Variants in ADGRL2 observed in about 807,000 individuals in gnomAD.
The protein encoded by ADGRL2 is adhesion G protein-coupled receptor L2, also known as calcium-independent alpha-latrotoxin receptor 2.
Under a neutral mutation model 157.4 loss-of-function variants are expected in ADGRL2, and 44 were observed. The ratio of observed to expected loss-of-function variants is 0.28; its 90% CI spans 0.22 to 0.36. The LOEUF (loss-of-function observed/expected upper bound fraction) is 0.36, where lower values mean the gene tolerates loss of function less well. ADGRL2 is among the 10% of genes least tolerant of loss of function. The pLI is 1.00. For synonymous variants in ADGRL2, 585 were observed against 624.7 expected, an observed-to-expected ratio of 0.94 and a Z score of 0.95; for missense variants, 1,510 against 1,768.9, an observed-to-expected ratio of 0.85 and a Z score of 2.63.
chr1:81,589,129 A>T (rs2081083013), intron 3 of ADGRL2, among the ~76,000 whole-genome samples: 1 of 152,172 alleles, frequency 6.6e-6, no homozygotes, highest in African/African-American at 2.4e-5. Context: ...GATAATACTT[A>T]TCCCCATAGG....
chr1:81,587,979 G>T (rs1483086040), intron 3 of ADGRL2, among the ~76,000 whole-genome samples: 1 of 152,092 alleles, frequency 6.6e-6, no homozygotes, highest in East Asian at 1.9e-4. Flanking sequence ...GTAGAAGATG[G>T]GTGCTTAAGT....
At chr1:81,518,473 T>C (rs1408426) in intron 2 of ADGRL2, among the ~76,000 whole-genome samples, 55,649 of 152,080 alleles carry the variant, frequency 0.37, 13,174 homozygotes, top group African/African-American at 0.67. Context: ...TCCAGAGAAA[T>C]GGGAATTGTT....
chr1:81,663,346 C>T (rs2082694773), intron 3 of ADGRL2, among the ~76,000 whole-genome samples: 1 of 152,094 alleles, frequency 6.6e-6, no homozygotes, highest in South Asian at 2.1e-4. Context: ...CAGCTCCATC[C>T]CTCACCTCCC....
intron 2 of ADGRL2, among the ~76,000 whole-genome samples, chr1:81,509,096 T>C (rs2079030419): frequency 6.6e-6 from 1 of 152,200 alleles, no homozygotes. Context: ...GCCACATTCC[T>C]TGTGCATCAA....
At chr1:81,639,365 C>A (rs1204728127) in intron 3 of ADGRL2, among the ~76,000 whole-genome samples, 1 of 151,994 alleles carries the variant, frequency 6.6e-6, no homozygotes, top group East Asian at 1.9e-4. Flanking sequence ...GCCACTGGGC[C>A]CCACCAGAAA....
At chr1:81,381,888 C>G (rs1265310365) in intron 1 of ADGRL2, among the ~76,000 whole-genome samples, 1 of 152,172 alleles carries the variant, frequency 6.6e-6, no homozygotes, top group Admixed American at 6.5e-5. Flanking sequence ...CATAACCCCA[C>G]TCACCTTCTT....
At chr1:81,801,501 G>C (rs1297239146) in intron 1 of ADGRL2, among the ~76,000 whole-genome samples, 1 of 152,212 alleles carries the variant, frequency 6.6e-6, no homozygotes, top group Non-Finnish European at 1.5e-5. Flanking sequence ...GCTTACCAGA[G>C]AATTCCTTGG....
At chr1:81,454,735 C>T (rs1428995096) in intron 2 of ADGRL2, among the ~76,000 whole-genome samples, 1 of 152,162 alleles carries the variant, frequency 6.6e-6, no homozygotes, top group African/African-American at 2.4e-5. Context: ...CAAGAGCGAT[C>T]CTTTCATCAT....
chr1:81,355,813 G>T (rs183742951), intron 1 of ADGRL2, among the ~76,000 whole-genome samples: 2 of 152,068 alleles, frequency 1.3e-5, no homozygotes. Flanking sequence ...TGACCTACTC[G>T]CTCCCAGCCA....
intron 2 of ADGRL2, among the ~76,000 whole-genome samples, chr1:81,500,353 G>T (rs1327324150): frequency 6.6e-6 from 1 of 152,200 alleles, no homozygotes; most frequent in Non-Finnish European, 1.5e-5. Context: ...TTGTACCACA[G>T]TGTTAATAGT....
intron 1 of ADGRL2, among the ~76,000 whole-genome samples, chr1:81,736,954 C>T (rs546420256): frequency 1.3e-5 from 2 of 152,184 alleles, no homozygotes; most frequent in African/African-American, 4.8e-5. Flanking sequence ...CCTGCCACAG[C>T]CTCTGGAGTA....
chr1:81,968,939 G>A (rs934986749), intron 14 of ADGRL2, among the ~76,000 whole-genome samples: 6 of 152,070 alleles, frequency 3.9e-5, no homozygotes, highest in Middle Eastern at 3.2e-3. Context: ...CTCCTTTATT[G>A]TTTTCTAGGT....
At chr1:81,736,091 C>T (rs181297754) in intron 1 of ADGRL2, among the ~76,000 whole-genome samples, 160 of 147,800 alleles carry the variant, frequency 1.1e-3, no homozygotes, top group Non-Finnish European at 1.9e-3. Context: ...TGCAGTGAAC[C>T]GAGATCACGC....
At chr1:81,768,366 A>T (rs1424824265) in intron 2 of ADGRL2, among the ~76,000 whole-genome samples, 1 of 152,144 alleles carries the variant, frequency 6.6e-6, no homozygotes, top group Non-Finnish European at 1.5e-5. Context: ...AAATTTGTCA[A>T]TGTGAAATAA....
chr1:81,798,815 TATTG>T (rs2087720467), upstream of ADGRL2, among the ~76,000 whole-genome samples: 1 of 152,152 alleles, frequency 6.6e-6, no homozygotes, highest in African/African-American at 2.4e-5. Flanking sequence ...CAAAAATGTC[TATTG>T]ATTACTTACT....
At chr1:81,884,718 C>T (rs2094083517) in intron 2 of ADGRL2, among the ~76,000 whole-genome samples, 1 of 151,936 alleles carries the variant, frequency 6.6e-6, no homozygotes, top group Admixed American at 6.6e-5. Flanking sequence ...CGAATGTGAC[C>T]CCATACTGAG....
At chr1:81,560,733 C>T (rs895383256) in intron 2 of ADGRL2, among the ~76,000 whole-genome samples, 8 of 151,996 alleles carry the variant, frequency 5.3e-5, no homozygotes, top group African/African-American at 7.3e-5. Flanking sequence ...GGAGGGGGAG[C>T]GGGCCGCAGA....
chr1:81,606,867 T>C (rs1284729770), intron 3 of ADGRL2, among the ~76,000 whole-genome samples: 1 of 152,112 alleles, frequency 6.6e-6, no homozygotes, highest in Non-Finnish European at 1.5e-5. Context: ...TCTGCAATCA[T>C]GTGACCATAA....
At chr1:81,514,474 A>G (rs912023943) in intron 2 of ADGRL2, among the ~76,000 whole-genome samples, 2 of 152,164 alleles carry the variant, frequency 1.3e-5, no homozygotes, top group African/African-American at 4.8e-5. Flanking sequence ...CAGGGGTGCA[A>G]AATGGCTATC....
Sources: allele counts gnomAD v4.1 joint callset (sites outside exome capture counted in the v4.1 genomes callset), GRCh38; gene constraint gnomAD v4.1.1; transcripts MANE v1.5; gene names NCBI Gene and HGNC (gene_info 2026-07-23, HGNC 2026-07-21).